Variants in MMP16 observed in about 807,000 individuals in gnomAD.
The protein encoded by MMP16 is matrix metalloproteinase-16.
A neutral mutation model predicts 67.8 loss-of-function variants in MMP16; 12 were observed. That is an observed-to-expected ratio of 0.18 (90% CI 0.11 to 0.29). The LOEUF (loss-of-function observed/expected upper bound fraction) is 0.29, where lower values mean the gene tolerates loss of function less well. MMP16 is among the 10% of genes least tolerant of loss of function. The pLI is 1.00. For missense variants in MMP16, 475 were observed against 765.7 expected (o/e 0.62, Z 4.48); for synonymous variants, 249 against 255.9 (o/e 0.97, Z 0.26).
intron 4 of MMP16, among the ~76,000 whole-genome samples, chr8:88,161,506 T>A (rs1339229508): frequency 6.6e-6 from 1 of 152,184 alleles, no homozygotes; most frequent in Non-Finnish European, 1.5e-5. Flanking sequence ...AACCAGCTCC[T>A]GGATTCATTA....
At chr8:88,180,411 A>G (rs971745226) in intron 3 of MMP16, among the ~76,000 whole-genome samples, 2 of 152,146 alleles carry the variant, frequency 1.3e-5, no homozygotes, top group Non-Finnish European at 2.9e-5. Context: ...CTCAAATATG[A>G]GGATACAGAT....
intron 7 of MMP16, among the ~76,000 whole-genome samples, chr8:88,064,843 A>T (rs905495860): frequency 6.6e-6 from 1 of 152,104 alleles, no homozygotes; most frequent in Non-Finnish European, 1.5e-5. Flanking sequence ...TGTTTTCCAG[A>T]TTCCACAATA....
intron 1 of MMP16, among the ~76,000 whole-genome samples, chr8:88,220,840 T>C (rs1392303143): frequency 6.6e-6 from 1 of 152,148 alleles, no homozygotes; most frequent in Non-Finnish European, 1.5e-5. Flanking sequence ...AAAGGCATGA[T>C]TAAGATTTCT....
intron 1 of MMP16, among the ~76,000 whole-genome samples, chr8:88,252,294 G>C (rs1325820496): frequency 6.6e-6 from 1 of 152,056 alleles, no homozygotes; most frequent in African/African-American, 2.4e-5. Context: ...TCTTCCCTAG[G>C]GTAGATTGTA....
intron 6 of MMP16, among the ~76,000 whole-genome samples, chr8:88,113,468 G>A (rs532560119): frequency 3.3e-5 from 5 of 151,850 alleles, no homozygotes; most frequent in African/African-American, 1.2e-4. Context: ...ATAAGAGTGA[G>A]ATCAAACAAT....
intron 4 of MMP16, among the ~76,000 whole-genome samples, chr8:88,154,970 A>C (rs941588430): frequency 6.6e-6 from 1 of 151,948 alleles, no homozygotes. Context: ...TAATATTTTC[A>C]TTTAAATTTT....
chr8:88,279,380 G>C (rs1475377730), intron 1 of MMP16, among the ~76,000 whole-genome samples: 1 of 152,022 alleles, frequency 6.6e-6, no homozygotes, highest in African/African-American at 2.4e-5. Context: ...ATGGTTAATA[G>C]AATGTTTGAA....
chr8:88,244,224 T>G (rs561081729), intron 1 of MMP16, among the ~76,000 whole-genome samples: 1 of 152,316 alleles, frequency 6.6e-6, no homozygotes, highest in African/African-American at 2.4e-5. Flanking sequence ...TTTTCTGTGT[T>G]ATATAACCAC....
intron 9 of MMP16, among the ~76,000 whole-genome samples, chr8:88,045,363 TTTTGTTTG>T (rs1047828908): frequency 2.0e-5 from 3 of 151,980 alleles, no homozygotes; most frequent in Non-Finnish European, 4.4e-5. Flanking sequence ...TTTCTTATCT[TTTTGTTTG>T]TTTGTTTGTT....
chr8:88,227,318 T>A (rs983726484), intron 1 of MMP16, among the ~76,000 whole-genome samples: 4 of 151,986 alleles, frequency 2.6e-5, no homozygotes, highest in Non-Finnish European at 5.9e-5. Context: ...TAATGGTGAA[T>A]GCTCATTACA....
chr8:88,277,561 T>C (rs985824110), intron 1 of MMP16, among the ~76,000 whole-genome samples: 1 of 152,182 alleles, frequency 6.6e-6, no homozygotes, highest in Admixed American at 6.5e-5. Flanking sequence ...GCAGCTGTAA[T>C]GGTTATTTTG....
At chr8:88,062,444 T>C in intron 7 of MMP16, among the ~76,000 whole-genome samples, 1 of 152,104 alleles carries the variant, frequency 6.6e-6, no homozygotes, top group East Asian at 1.9e-4. Flanking sequence ...TAAGAAAATG[T>C]GGCACATATA....
chr8:88,268,505 C>T (rs1284044388), intron 1 of MMP16, among the ~76,000 whole-genome samples: 3 of 152,248 alleles, frequency 2.0e-5, no homozygotes, highest in Middle Eastern at 3.4e-3. Flanking sequence ...TTTTCCCAGA[C>T]AGTTCTTTTT....
intron 3 of MMP16, among the ~76,000 whole-genome samples, chr8:88,182,049 C>A (rs1400335309): frequency 6.6e-6 from 1 of 152,048 alleles, no homozygotes; most frequent in Non-Finnish European, 1.5e-5. Context: ...AACTACTAAA[C>A]ATCTAGAATA....
At chr8:88,215,199 G>A (rs2129828721) in intron 1 of MMP16, among the ~76,000 whole-genome samples, 1 of 151,854 alleles carries the variant, frequency 6.6e-6, no homozygotes. Flanking sequence ...GCGTGGTGGT[G>A]GGCACCTGTA....
intron 1 of MMP16, among the ~76,000 whole-genome samples, chr8:88,216,295 AT>A (rs1313484154): frequency 6.6e-6 from 1 of 152,208 alleles, no homozygotes; most frequent in Non-Finnish European, 1.5e-5. Flanking sequence ...ACTTGTAAAA[AT>A]TGGTTAAATA....
chr8:88,066,574 T>G (rs1456192639), intron 7 of MMP16, among the ~76,000 whole-genome samples: 1 of 152,106 alleles, frequency 6.6e-6, no homozygotes, highest in Non-Finnish European at 1.5e-5. Flanking sequence ...TAACTGATAG[T>G]CACATACACC....
chr8:88,062,803 T>C (rs1808417054), intron 7 of MMP16, among the ~76,000 whole-genome samples: 1 of 152,086 alleles, frequency 6.6e-6, no homozygotes, highest in Non-Finnish European at 1.5e-5. Context: ...ACTTAAAGTA[T>C]AATAAAAAAA....
chr8:88,084,671 A>C (rs1042948818), intron 6 of MMP16, among the ~76,000 whole-genome samples: 4 of 152,166 alleles, frequency 2.6e-5, no homozygotes, highest in Admixed American at 2.6e-4. Context: ...TAAGCAAAAC[A>C]CTAATAGTTG....
Sources: gnomAD v4.1 joint callset for allele counts (sites outside exome capture counted in the v4.1 genomes callset) on GRCh38, gnomAD v4.1.1 for gene constraint, MANE v1.5 for transcripts, NCBI Gene and HGNC (gene_info 2026-07-23, HGNC 2026-07-21) for gene names.